UGT2B17: variants seen among roughly 807,000 people sequenced by gnomAD.
UGT2B17 encodes the protein UDP-glucuronosyltransferase 2B17.
Under a neutral mutation model 48.2 loss-of-function variants are expected in UGT2B17, and 21 were observed. The ratio of observed to expected loss-of-function variants is 0.44; its 90% CI spans 0.31 to 0.63. UGT2B17 has a LOEUF of 0.63. Among genes scored for constraint, UGT2B17 ranks in the 20% least tolerant of loss-of-function variants. UGT2B17 has a pLI of 0.08. For synonymous variants in UGT2B17, 146 were observed against 238.4 expected, an observed-to-expected ratio of 0.61 and a Z score of 3.57; for missense variants, 402 against 696.1, an observed-to-expected ratio of 0.58 and a Z score of 4.75.
chr4:68,543,075 C>G (rs1730710237), intron 6 of UGT2B17, among the ~76,000 whole-genome samples: 1 of 126,110 alleles, frequency 7.9e-6, no homozygotes, highest in Non-Finnish European at 1.7e-5. Flanking sequence ...CCCTGTCTGA[C>G]AGCTTTGAAA....
In UGT2B17 at chr4:68,541,441, T is replaced by A. The variant is rs1003212515; in HGVS notation, c.1314-3537A>T. ...CATAAGTGTGTTGGCTGCATAAATG[T>A]ATTTTTTTGAGAAGTGTCTGTTTAT... On this transcript the variant is annotated intron_variant, in intron 6 of 6. Coordinates refer to ENST00000317746, the MANE Select transcript of UGT2B17 (RefSeq NM_001077.4). 5.5e-5 allele frequency among the ~76,000 whole-genome samples: 7 copies of A among 126,928 alleles called. 2 individuals carry two copies. The highest frequency in any genetic ancestry group is 1.9e-4 in the African/African-American group (7 of 37,182). The allele number at this position is 126,928 out of a possible 152,430, so 83.3% of individuals were successfully genotyped here.
chr4:68,537,512 G>A lies in UGT2B17; in HGVS notation c.*113C>T. On this transcript the variant is annotated 3_prime_UTR_variant, in exon 7 of 7. Coordinates refer to ENST00000317746, the MANE Select transcript of UGT2B17 (RefSeq NM_001077.4). ...AAATTTTGACTTAACAGGGTAAGTT[G>A]TGAAAAGACGTTTTGTCGCAGGAAA... The A allele has an allele frequency of 1.0e-6, 1 of 988,020 alleles. No homozygotes were observed. Among genetic ancestry groups the A allele is most frequent in the Non-Finnish European group, 1.3e-6 (1 of 760,632 alleles). The allele number at this position is 988,020 out of a possible 1,614,324, so 61.2% of individuals were successfully genotyped here.
rs1298847481 is a variant in UGT2B17 at position 68,555,448 on chromosome 4, C to G, written c.1006-3537G>C. Among the ~76,000 whole-genome samples, 9 of 126,146 alleles carry G rather than the reference C, an allele frequency of 7.1e-5. 3 individuals are homozygous for G. Among genetic ancestry groups the G allele is most frequent in the Non-Finnish European group, 1.5e-4 (9 of 59,352 alleles). The allele number at this position is 126,146 out of a possible 152,430, so 82.8% of individuals were successfully genotyped here. A position where few individuals can be genotyped will look rare whatever the true frequency, so the allele number is the denominator to read the frequency against. On this transcript the variant is annotated intron_variant, in intron 4 of 6. Coordinates refer to ENST00000317746, the MANE Select transcript of UGT2B17 (RefSeq NM_001077.4). ...GAAAAGACTGTTATCATTTTTATTT[C>G]AAAGCTAAACTATAAACTAAGTTCC...
chr4:68,572,423 A>G (rs1731310007), intron 1 of UGT2B17, among the ~76,000 whole-genome samples: 1 of 126,596 alleles, frequency 7.9e-6, no homozygotes, highest in Admixed American at 8.1e-5. Context: ...CATACCTTGG[A>G]TAGAATAGCA....
At chr4:68,564,290 A>ATTTTTTTTTTTTTT (rs1413452406) in intron 3 of UGT2B17, among the ~76,000 whole-genome samples, 1 of 89,660 alleles carries the variant, frequency 1.1e-5, no homozygotes, top group African/African-American at 5.7e-5. Context: ...ATATATATAT[A>ATTTTTTTTTTTTTT]TATATTTTTT....
At position 68,541,766 on chromosome 4, in the gene UGT2B17, T is replaced by A. The variant is rs1730661584; in HGVS notation, c.1314-3862A>T. On this transcript the variant is annotated intron_variant, in intron 6 of 6. Coordinates refer to ENST00000317746, the MANE Select transcript of UGT2B17 (RefSeq NM_001077.4). ...TTGCTTAGGTTTTCTTCCAGGGTTT[T>A]TATGGTTTTGGGTTTTACATTTAAG... Among the ~76,000 whole-genome samples, 2 of 127,252 alleles carry A rather than the reference T, an allele frequency of 1.6e-5. 1 individual carries two copies. Among genetic ancestry groups the A allele is most frequent in the Non-Finnish European group, 3.3e-5 (2 of 59,956 alleles). The allele number at this position is 127,252 out of a possible 152,430, so 83.5% of individuals were successfully genotyped here.
rs1471438196 is a variant in UGT2B17, at chr4:68,568,060, T to C, written c.425A>G (p.Gln142Arg). The C allele has an allele frequency of 7.2e-7, 1 of 1,383,092 alleles. No homozygotes were observed. Among genetic ancestry groups the C allele is most frequent in the Non-Finnish European group, 9.5e-7 (1 of 1,055,524 alleles). The allele number at this position is 1,383,092 out of a possible 1,614,324, so 85.7% of individuals were successfully genotyped here. Residue 142 changes from glutamine to arginine, a missense_variant, in exon 2 of 7, where the codon CAA (glutamine) becomes CGA (arginine). Coordinates refer to ENST00000317746, the MANE Select transcript of UGT2B17 (RefSeq NM_001077.4). The part of the protein sequence containing the change: ...VLNKKLMRKL[Q>R]ESKFDVLLAD... Reference sequence around the variant, plus strand: ...CAGAAGGACATCAAATTTTGACTCTTGTAGTTTTCTCATAAGTTTCTTGTT... The same window carrying C: ...CAGAAGGACATCAAATTTTGACTCTCGTAGTTTTCTCATAAGTTTCTTGTT...
rs1191008495 is a variant in UGT2B17, at chr4:68,566,224, C to T, written c.725-504G>A. On this transcript the variant is annotated intron_variant, in intron 2 of 6. Coordinates refer to ENST00000317746, the MANE Select transcript of UGT2B17 (RefSeq NM_001077.4). ...ATATTAAATACATTTATATAGTCAT[C>T]ATTTAATTTTTATGTATTGCATATG... Among the ~76,000 whole-genome samples, 3 of 120,556 alleles carry T rather than the reference C, an allele frequency of 2.5e-5. 1 individual carries two copies. Among genetic ancestry groups the T allele is most frequent in the Non-Finnish European group, 3.4e-5 (2 of 58,280 alleles). The allele number at this position is 120,556 out of a possible 152,430, so 79.1% of individuals were successfully genotyped here. A position where few individuals can be genotyped will look rare whatever the true frequency, so the allele number is the denominator to read the frequency against.
intron 3 of UGT2B17, among the ~76,000 whole-genome samples, chr4:68,564,049 C>T (rs1330884047): frequency 8.1e-6 from 1 of 124,062 alleles, no homozygotes; most frequent in African/African-American, 2.7e-5. Flanking sequence ...CTTTTTTCCA[C>T]ACAACACAAT....
At position 68,552,887 on chromosome 4, in the gene UGT2B17, T is replaced by G. The variant is rs551777755; in HGVS notation, c.1006-976A>C. Among the ~76,000 whole-genome samples the G allele has an allele frequency of 1.1e-4, 14 of 124,218 alleles. 1 individual carries two copies. Among genetic ancestry groups the G allele is most frequent in the African/African-American group, 2.2e-4 (8 of 36,294 alleles). 81.5% of individuals were successfully genotyped at this position (124,218 alleles called of 152,430 possible). A position where few individuals can be genotyped will look rare whatever the true frequency, so the allele number is the denominator to read the frequency against. ...TACTTGCTTCCTACAAGAAAGGCAA[T>G]ATTTCCTGTTTCCATGACAATGGAA... On this transcript the variant is annotated intron_variant, in intron 4 of 6. Coordinates refer to ENST00000317746, the MANE Select transcript of UGT2B17 (RefSeq NM_001077.4).
intron 4 of UGT2B17, among the ~76,000 whole-genome samples, chr4:68,555,489 G>A (rs1730984477): frequency 8.0e-6 from 1 of 125,452 alleles, no homozygotes; most frequent in Non-Finnish European, 1.7e-5. Context: ...AAGTTAGTTT[G>A]GCCTACACCC....
chr4:68,544,737 G>A (rs1397768278), intron 6 of UGT2B17, among the ~76,000 whole-genome samples: 1 of 125,354 alleles, frequency 8.0e-6, no homozygotes, highest in African/African-American at 2.7e-5. Context: ...TCAAAATAAA[G>A]GGATGGAGGA....
chr4:68,542,114 A>G (rs930476315), intron 6 of UGT2B17, among the ~76,000 whole-genome samples: 1 of 125,708 alleles, frequency 8.0e-6, no homozygotes, highest in African/African-American at 2.7e-5. Context: ...AACACCATTT[A>G]TTAAATAGGG....
At position 68,565,299 on chromosome 4, in the gene UGT2B17, G is replaced by T. The variant is rs1193351255; in HGVS notation, c.873+273C>A. ...AATCACTCTACAAATATTTTTTGAA[G>T]AAATGAACCATACTATCTTGTGGGT... is the stretch of plus-strand genomic sequence containing the variant. On this transcript the variant is annotated intron_variant, in intron 3 of 6. Coordinates refer to ENST00000317746, the MANE Select transcript of UGT2B17 (RefSeq NM_001077.4). 7.9e-5 allele frequency among the ~76,000 whole-genome samples: 10 copies of T among 126,050 alleles called. 3 individuals are homozygous for T. Among genetic ancestry groups the T allele is most frequent in the African/African-American group, 1.4e-4 (5 of 36,810 alleles). The allele number at this position is 126,050 out of a possible 152,430, so 82.7% of individuals were successfully genotyped here.
chr4:68,553,580 C>T (rs7438492), intron 4 of UGT2B17, among the ~76,000 whole-genome samples: 69,258 of 123,294 alleles, frequency 0.56, 26,798 homozygotes, highest in Middle Eastern at 0.82. Flanking sequence ...TCTTTGGCTT[C>T]GAGATTACCA....
rs1183036562 is a variant in UGT2B17, at chr4:68,575,219, T to A, written c.-65+732A>T. On this transcript the variant is annotated intron_variant, in intron 1 of 6. Coordinates refer to ENST00000317746, the MANE Select transcript of UGT2B17 (RefSeq NM_001077.4). ...TTTTTTTTTCTCTGCTGGTCTTTCC[T>A]TGCCTCTGCCAGCTGCTTATGCTGC... Among the ~76,000 whole-genome samples the A allele has an allele frequency of 3.9e-5, 4 of 102,442 alleles. 1 individual carries two copies. The highest frequency in any genetic ancestry group is 6.0e-5 in the Non-Finnish European group (3 of 49,978). The allele number at this position is 102,442 out of a possible 152,430, so 67.2% of individuals were successfully genotyped here. A position where few individuals can be genotyped will look rare whatever the true frequency, so the allele number is the denominator to read the frequency against.
At chr4:68,558,895 G>A (rs1731053159) in intron 4 of UGT2B17, among the ~76,000 whole-genome samples, 1 of 125,494 alleles carries the variant, frequency 8.0e-6, no homozygotes. Flanking sequence ...CTAATCAGAA[G>A]CTCAAAGGAA....
intron 6 of UGT2B17, among the ~76,000 whole-genome samples, chr4:68,540,273 A>C (rs1220203262): frequency 1.6e-5 from 2 of 126,592 alleles, no homozygotes; most frequent in Non-Finnish European, 3.4e-5. Context: ...AAAGATCATT[A>C]TTTTGTCTAC....
chr4:68,575,774 G>T (rs1731363476), intron 1 of UGT2B17, among the ~76,000 whole-genome samples, 177 bp downstream of exon 1: 1 of 126,098 alleles, frequency 7.9e-6, no homozygotes, highest in Non-Finnish European at 1.7e-5. Context: ...CACACCGTGG[G>T]TGATCAGGCT....
Sources: allele counts gnomAD v4.1 joint callset (sites outside exome capture counted in the v4.1 genomes callset), GRCh38; gene constraint gnomAD v4.1.1; transcripts MANE v1.5; gene names NCBI Gene and HGNC (gene_info 2026-07-23, HGNC 2026-07-21).